The following TULP4 variants were observed in gnomAD, a reference collection of about 807,000 sequenced individuals.
TULP4 encodes the protein TUB like protein 4, also known as tubby-related protein 4.
Under a neutral mutation model 129.0 loss-of-function variants are expected in TULP4, and 16 were observed. That is an observed-to-expected ratio of 0.12 (90% CI 0.08 to 0.19). The LOEUF (loss-of-function observed/expected upper bound fraction) is 0.19. TULP4 is among the 10% of genes least tolerant of loss of function. The pLI is 1.00. For synonymous variants in TULP4, 998 were observed against 854.0 expected, an observed-to-expected ratio of 1.17 and a Z score of -2.94; for missense variants, 1,842 against 2,059.1, an observed-to-expected ratio of 0.89 and a Z score of 2.04.
At chr6:158,275,739 G>T (rs1378944476) in intron 1 of TULP4, among the ~76,000 whole-genome samples, 1 of 152,032 alleles carries the variant, frequency 6.6e-6, no homozygotes, top group Admixed American at 6.6e-5. Context: ...TAGAATTTGG[G>T]GTAATATTAG....
At chr6:158,470,931 G>T (rs556137211) in intron 6 of TULP4, among the ~76,000 whole-genome samples, 3 of 152,298 alleles carry the variant, frequency 2.0e-5, no homozygotes, top group Non-Finnish European at 2.9e-5. Context: ...TGGGTTTGAG[G>T]GGAAGGCAGA....
rs534358660 is a variant in TULP4 at position 158,440,053 on chromosome 6, C to T, written c.544-8943C>T. 2.2e-4 allele frequency among the ~76,000 whole-genome samples: 33 copies of T among 151,670 alleles called. No homozygotes were observed. In the South Asian group the frequency reaches 5.6e-3, roughly 26 times the overall value. On this transcript the variant is annotated intron_variant, in intron 3 of 13. Coordinates refer to ENST00000367097, the MANE Select transcript of TULP4 (RefSeq NM_020245.5). The stretch of plus-strand genomic sequence containing the variant: ...AAAAAAAAATAAATCTGACCTGGCG[C>T]GGTGGCTCACACCTCTAATTCCAGC...
At chr6:158,350,465 C>T (rs919596658) in intron 1 of TULP4, among the ~76,000 whole-genome samples, 1 of 152,246 alleles carries the variant, frequency 6.6e-6, no homozygotes, top group Non-Finnish European at 1.5e-5. Flanking sequence ...GAGACTCTGT[C>T]TGCAATCCCA....
At chr6:158,330,260 C>G (rs1314193242) in intron 1 of TULP4, among the ~76,000 whole-genome samples, 2 of 152,190 alleles carry the variant, frequency 1.3e-5, no homozygotes, top group African/African-American at 4.8e-5. Context: ...TTAGACAAGT[C>G]TCTTTCTTTT....
chr6:158,396,283 G>T (rs545447702), intron 1 of TULP4, among the ~76,000 whole-genome samples: 1 of 151,984 alleles, frequency 6.6e-6, no homozygotes, highest in South Asian at 2.1e-4. Context: ...CTTCTTTTTT[G>T]TCCTGCTCTC....
At chr6:158,444,018 G>A (rs538144623) in intron 3 of TULP4, among the ~76,000 whole-genome samples, 18 of 151,904 alleles carry the variant, frequency 1.2e-4, no homozygotes, top group South Asian at 2.1e-4. Flanking sequence ...AGGAGATTGA[G>A]ACCATCCTGG....
At chr6:158,395,814 G>C (rs376490067) in intron 1 of TULP4, among the ~76,000 whole-genome samples, 2 of 149,188 alleles carry the variant, frequency 1.3e-5, no homozygotes, top group East Asian at 3.9e-4. Flanking sequence ...GTTTTTCTTT[G>C]ATTTTTTTTT....
chr6:158,330,482 A>C (rs762769233), intron 1 of TULP4, among the ~76,000 whole-genome samples: 1 of 151,720 alleles, frequency 6.6e-6, no homozygotes, highest in East Asian at 1.9e-4. Context: ...GCACGCATAC[A>C]CTCTCTCTCT....
At chr6:158,443,939 G>A (rs1778956520) in intron 3 of TULP4, among the ~76,000 whole-genome samples, 1 of 152,040 alleles carries the variant, frequency 6.6e-6, no homozygotes, top group Non-Finnish European at 1.5e-5. Context: ...AAATTTTTTG[G>A]CCGGGTGCGG....
chr6:158,355,846 A>T (rs919780679), intron 1 of TULP4, among the ~76,000 whole-genome samples: 1 of 152,234 alleles, frequency 6.6e-6, no homozygotes, highest in Admixed American at 6.5e-5. Flanking sequence ...ATGCAACAAC[A>T]TGGATTAATC....
At chr6:158,432,656 A>G (rs1212719003) in intron 3 of TULP4, among the ~76,000 whole-genome samples, 2 of 152,294 alleles carry the variant, frequency 1.3e-5, no homozygotes, top group Middle Eastern at 3.4e-3. Flanking sequence ...AGGTCAGGAG[A>G]TTGAGACCAT....
At chr6:158,311,713 G>A (rs1468574284), upstream of TULP4, among the ~76,000 whole-genome samples, 1 of 152,190 alleles carries the variant, frequency 6.6e-6, no homozygotes, top group Non-Finnish European at 1.5e-5. Flanking sequence ...ATGGTCTCTG[G>A]AGGGGTAGAG....
intron 13 of TULP4, 125 bp from the exon 14 acceptor site, chr6:158,506,453 T>C: frequency 1.4e-6 from 1 of 732,584 alleles, no homozygotes; most frequent in East Asian, 2.6e-5. Context: ...GGGTGGTCTC[T>C]ATCTCCTGAC....
chr6:158,390,553 C>T (rs1404126454), intron 1 of TULP4, among the ~76,000 whole-genome samples: 2 of 152,086 alleles, frequency 1.3e-5, no homozygotes, highest in Non-Finnish European at 2.9e-5. Context: ...ATTTATAGAG[C>T]GTGGTCCATA....
At position 158,423,124 on chromosome 6, in the gene TULP4, G is replaced by T. The variant is rs1044389779; in HGVS notation, c.382-6612G>T. Among the ~76,000 whole-genome samples the T allele has an allele frequency of 6.5e-4, 11 of 16,940 alleles. 1 individual carries two copies. Among genetic ancestry groups the T allele is most frequent in the African/African-American group, 1.0e-3 (3 of 2,864 alleles). 11.1% of individuals were successfully genotyped at this position (16,940 alleles called of 152,430 possible). A position where few individuals can be genotyped will look rare whatever the true frequency, so the allele number is the denominator to read the frequency against. On this transcript the variant is annotated intron_variant, in intron 2 of 13. Coordinates refer to ENST00000367097, the MANE Select transcript of TULP4 (RefSeq NM_020245.5). ...AGACCCCTTCCTCCACAAAAAAGAG[G>T]GGGGGGGGGGGAAAGAAACCTTCCC...
intron 8 of TULP4, among the ~76,000 whole-genome samples, chr6:158,484,071 C>A (rs1780010405): frequency 1.3e-5 from 2 of 151,902 alleles, no homozygotes; most frequent in African/African-American, 4.8e-5. Context: ...GTGTGCACCA[C>A]CACACCTGGC....
At chr6:158,309,008 C>T (rs1779280375), upstream of TULP4, among the ~76,000 whole-genome samples, 2 of 144,452 alleles carry the variant, frequency 1.4e-5, no homozygotes, top group African/African-American at 5.2e-5. Context: ...CCCTCCCGGA[C>T]AGGGCGGCTG....
chr6:158,379,134 C>T (rs924160520), intron 1 of TULP4, among the ~76,000 whole-genome samples: 1 of 152,096 alleles, frequency 6.6e-6, no homozygotes, highest in Non-Finnish European at 1.5e-5. Context: ...TGGCTGGATT[C>T]GGGATGTATT....
chr6:158,285,162 T>G (rs1321983796), intron 1 of TULP4, among the ~76,000 whole-genome samples: 1 of 152,214 alleles, frequency 6.6e-6, no homozygotes, highest in Non-Finnish European at 1.5e-5. Flanking sequence ...GTGAACAGTT[T>G]ACGTTCAGGG....
Sources: allele counts gnomAD v4.1 joint callset (sites outside exome capture counted in the v4.1 genomes callset), GRCh38; gene constraint gnomAD v4.1.1; transcripts MANE v1.5; gene names NCBI Gene and HGNC (gene_info 2026-07-23, HGNC 2026-07-21).